The following LRRC4C variants were observed in gnomAD, a reference collection of about 807,000 sequenced individuals.
LRRC4C encodes the protein leucine-rich repeat-containing protein 4C.
In LRRC4C, 5 loss-of-function variants were observed where a neutral mutation model predicts 33.6. The ratio of observed to expected loss-of-function variants is 0.15; its 90% CI spans 0.08 to 0.31. The LOEUF (loss-of-function observed/expected upper bound fraction) is 0.31, where lower values mean the gene tolerates loss of function less well. Ranked by LOEUF, LRRC4C falls within the 10% of genes least tolerant of loss-of-function variation. The pLI, the probability that LRRC4C is intolerant of heterozygous loss-of-function variation, is 1.00. For synonymous variants in LRRC4C, 329 were observed against 302.0 expected (o/e 1.09, Z -0.93); for missense variants, 560 against 796.7 (o/e 0.70, Z 3.58).
intron 5 of LRRC4C, among the ~76,000 whole-genome samples, chr11:40,195,621 A>G (rs1862199064): frequency 6.6e-6 from 1 of 152,102 alleles, no homozygotes; most frequent in African/African-American, 2.4e-5. Flanking sequence ...TCACCTCTTC[A>G]TGGGTATTTT....
At chr11:40,118,207 A>G (rs189706809) in intron 6 of LRRC4C, among the ~76,000 whole-genome samples, 21 of 148,378 alleles carry the variant, frequency 1.4e-4, no homozygotes, top group Admixed American at 3.4e-4. Context: ...ATAAGTATGA[A>G]ATAACAAATA....
intron 1 of LRRC4C, among the ~76,000 whole-genome samples, chr11:41,084,090 G>A (rs949921209): frequency 1.3e-5 from 2 of 152,134 alleles, no homozygotes; most frequent in Non-Finnish European, 2.9e-5. Flanking sequence ...TACCTGTAGG[G>A]ACTTCTTGGA....
At chr11:40,324,788 T>A (rs55856339) in intron 3 of LRRC4C, among the ~76,000 whole-genome samples, 4,722 of 152,172 alleles carry the variant, frequency 0.031, 244 homozygotes, top group African/African-American at 0.11. Context: ...AAGGACAAGG[T>A]TGGGGTCAGA....
intron 3 of LRRC4C, among the ~76,000 whole-genome samples, chr11:40,573,588 C>G (rs1482174693): frequency 6.6e-6 from 1 of 152,126 alleles, no homozygotes; most frequent in Non-Finnish European, 1.5e-5. Flanking sequence ...AATTCAATAT[C>G]CCTCTTCTGA....
At chr11:40,945,054 G>C (rs1236567663) in intron 1 of LRRC4C, among the ~76,000 whole-genome samples, 2 of 137,610 alleles carry the variant, frequency 1.5e-5, no homozygotes, top group East Asian at 4.3e-4. Flanking sequence ...TTGAGACGGA[G>C]TCTTGCTTTG....
Position 40,825,940 on chromosome 11 carries a change from TG to T in LRRC4C, c.-407+107694del, listed in dbSNP as rs544490106. Among the ~76,000 whole-genome samples, 112 of 26,954 alleles carry T rather than the reference TG, an allele frequency of 4.2e-3. 4 individuals are homozygous for T. The highest frequency in any genetic ancestry group is 8.7e-3 in the Non-Finnish European group (85 of 9,768). 17.7% of individuals were successfully genotyped at this position (26,954 alleles called of 152,430 possible). ...TATGTATGCTTCACATATTGTATTC[TG>T]GGGGGGGGGCGTCTCACATATATTC... is the stretch of plus-strand genomic sequence containing the variant. On this transcript the variant is annotated intron_variant, in intron 2 of 6. Transcript: ENST00000528697.
chr11:41,341,500 C>G (rs1050599119), intron 1 of LRRC4C, among the ~76,000 whole-genome samples: 4 of 152,012 alleles, frequency 2.6e-5, no homozygotes, highest in African/African-American at 9.7e-5. Context: ...AGATAAGAAC[C>G]ATGCCTGCTT....
chr11:40,806,759 A>T (rs1385821114), intron 2 of LRRC4C, among the ~76,000 whole-genome samples: 1 of 152,180 alleles, frequency 6.6e-6, no homozygotes, highest in African/African-American at 2.4e-5. Flanking sequence ...AAATGTATAC[A>T]TCTGCTTACT....
In LRRC4C at chr11:40,390,558, T is replaced by C. The variant is rs114943974; in HGVS notation, c.-269-70837A>G. Among the ~76,000 whole-genome samples, 1,121 of 152,312 alleles carry C rather than the reference T, an allele frequency of 7.4e-3. 13 individuals carry two copies. Among genetic ancestry groups the C allele is most frequent in the African/African-American group, 0.025 (1,060 of 41,576 alleles). On this transcript the variant is annotated intron_variant, in intron 3 of 6. Transcript: ENST00000528697. ...AGCATTTACTGTGTGCTAGGTGATA[T>C]ATTAAGCCTTTTCTATTAATTAGGT... is the stretch of plus-strand genomic sequence containing the variant.
intron 3 of LRRC4C, among the ~76,000 whole-genome samples, chr11:40,355,647 C>T (rs1431030190): frequency 6.6e-6 from 1 of 152,096 alleles, no homozygotes; most frequent in Non-Finnish European, 1.5e-5. Context: ...ACTGTCCCTC[C>T]CGCAAGCACA....
At chr11:40,994,938 T>C (rs1482977835) in intron 1 of LRRC4C, among the ~76,000 whole-genome samples, 4 of 152,074 alleles carry the variant, frequency 2.6e-5, no homozygotes, top group Admixed American at 2.6e-4. Context: ...GAAACTTGGC[T>C]CAACCATAAA....
intron 1 of LRRC4C, among the ~76,000 whole-genome samples, chr11:40,935,496 T>C (rs1957832704): frequency 6.6e-6 from 1 of 152,136 alleles, no homozygotes; most frequent in Non-Finnish European, 1.5e-5. Context: ...GTACCCTTTC[T>C]ATGTTTAGGT....
intron 2 of LRRC4C, among the ~76,000 whole-genome samples, chr11:40,813,291 T>C (rs1456576429): frequency 6.6e-6 from 1 of 152,186 alleles, no homozygotes; most frequent in African/African-American, 2.4e-5. Context: ...CAGTTTCATG[T>C]GGCTGGAGGG....
At chr11:40,449,273 G>T (rs914787900) in intron 3 of LRRC4C, among the ~76,000 whole-genome samples, 9 of 150,562 alleles carry the variant, frequency 6.0e-5, no homozygotes, top group Admixed American at 3.3e-4. Context: ...AAACATTGGG[G>T]TATTTACTTT....
chr11:41,429,058 C>A (rs1218574293), intron 1 of LRRC4C, among the ~76,000 whole-genome samples: 3 of 152,106 alleles, frequency 2.0e-5, no homozygotes, highest in Non-Finnish European at 4.4e-5. Context: ...TGGGAGGGAA[C>A]CAGTGGGTTG....
At chr11:40,836,700 T>G in intron 2 of LRRC4C, among the ~76,000 whole-genome samples, 1 of 152,214 alleles carries the variant, frequency 6.6e-6, no homozygotes, top group East Asian at 1.9e-4. Context: ...ATGTTTACTT[T>G]GCTAGATGTC....
chr11:40,990,842 C>A (rs1201924383), intron 1 of LRRC4C, among the ~76,000 whole-genome samples: 1 of 152,040 alleles, frequency 6.6e-6, no homozygotes, highest in African/African-American at 2.4e-5. Context: ...TTTGAATATA[C>A]ATTTTTTTAA....
intron 3 of LRRC4C, among the ~76,000 whole-genome samples, chr11:40,640,522 T>A (rs879434820): frequency 6.1e-4 from 93 of 152,004 alleles, no homozygotes; most frequent in Non-Finnish European, 9.0e-4. Flanking sequence ...TATTTTTTTT[T>A]AAAAAGGATG....
At chr11:40,616,071 CA>C (rs1211704921) in intron 3 of LRRC4C, among the ~76,000 whole-genome samples, 3 of 151,830 alleles carry the variant, frequency 2.0e-5, no homozygotes, top group Non-Finnish European at 4.4e-5. Flanking sequence ...AAGAAAAAAA[CA>C]AACAACCCCA....
Sources: allele counts gnomAD v4.1 joint callset (sites outside exome capture counted in the v4.1 genomes callset), GRCh38; gene constraint gnomAD v4.1.1; transcripts MANE v1.5; gene names NCBI Gene and HGNC (gene_info 2026-07-23, HGNC 2026-07-21).